The following FBLN2 variants were observed in gnomAD, a reference collection of about 807,000 sequenced individuals.
FBLN2 encodes the protein fibulin-2.
FBLN2 carries 81 observed loss-of-function variants against 123.7 expected under a neutral mutation model. The observed-to-expected ratio is 0.65, with a 90% confidence interval of 0.55 to 0.79. The LOEUF is 0.79. FBLN2 is among the 30% of genes least tolerant of loss of function. The pLI is 0.00. For missense variants in FBLN2, 1,603 were observed against 1,681.3 expected (o/e 0.95, Z 0.81); for synonymous variants, 699 against 701.4 (o/e 1.00, Z 0.05).
intron 16 of FBLN2, among the ~76,000 whole-genome samples, chr3:13,635,773 T>C (rs552318728): frequency 1.3e-5 from 2 of 152,138 alleles, no homozygotes; most frequent in South Asian, 4.2e-4. Context: ...GGGGACAGCA[T>C]GGGAATGAGA....
At chr3:13,620,306 C>G (rs973533204) in intron 8 of FBLN2, among the ~76,000 whole-genome samples, 4 of 152,190 alleles carry the variant, frequency 2.6e-5, no homozygotes, top group Non-Finnish European at 4.4e-5. Context: ...TGAGGGTTGC[C>G]CTGGTCTGTG....
Position 13,568,841 on chromosome 3 carries a change from G to A in FBLN2, c.-41-1474G>A, listed in dbSNP as rs28432040. ...ATTATCTGCCCCTCCACCCCTGAGG[G>A]TGTCAGTGCTGTGAGGACGCTGGGA... On this transcript the variant is annotated intron_variant, in intron 1 of 17. Transcript: ENST00000404922. The A allele has an allele frequency of 6.1e-6, 6 of 985,646 alleles. No individual in the cohort carries two copies. The African/African-American group carries it at 8.7e-5, about 14-fold the overall frequency. 61.1% of individuals were successfully genotyped at this position (985,646 alleles called of 1,614,324 possible). A position where few individuals can be genotyped will look rare whatever the true frequency, so the allele number is the denominator to read the frequency against.
chr3:13,620,326 C>T (rs1705806529), intron 8 of FBLN2, among the ~76,000 whole-genome samples: 1 of 152,158 alleles, frequency 6.6e-6, no homozygotes, highest in Non-Finnish European at 1.5e-5. Flanking sequence ...GCAGCCATGT[C>T]CAGGCCTGGG....
intron 2 of FBLN2, among the ~76,000 whole-genome samples, chr3:13,588,214 A>G (rs1156819643): frequency 2.0e-5 from 3 of 152,194 alleles, no homozygotes; most frequent in Non-Finnish European, 4.4e-5. Flanking sequence ...AGTTGCCTGT[A>G]GTACTCAGTA....
chr3:13,637,556 C>T lies in FBLN2; in HGVS notation c.3339-6C>T. 6.3e-7 allele frequency: 1 copy of T among 1,596,558 alleles called. No homozygotes were observed. On this transcript the variant is annotated splice_polypyrimidine_tract_variant and splice_region_variant and intron_variant, in intron 17 of 17. Coordinates refer to ENST00000404922, the MANE Select transcript of FBLN2 (RefSeq NM_001004019.2). ...CTGTGGGTGACCCGGCCTATCCTCC[C>T]TGCAGGAAGTGCGAGCGCACCACGT...
At chr3:13,601,230 C>T (rs766867325) in intron 2 of FBLN2, among the ~76,000 whole-genome samples, 1 of 152,190 alleles carries the variant, frequency 6.6e-6, no homozygotes, top group African/African-American at 2.4e-5. Flanking sequence ...AGCCAGGGAC[C>T]ATAATCTCTG....
At chr3:13,597,234 G>T (rs1275580596) in intron 2 of FBLN2, among the ~76,000 whole-genome samples, 1 of 152,156 alleles carries the variant, frequency 6.6e-6, no homozygotes, top group African/African-American at 2.4e-5. Context: ...ATCTGGCCTG[G>T]ATCTATTTTT....
At chr3:13,623,550 C>T (rs551075344) in intron 9 of FBLN2, among the ~76,000 whole-genome samples, 7 of 152,298 alleles carry the variant, frequency 4.6e-5, no homozygotes, top group South Asian at 2.1e-4. Flanking sequence ...GCGTTCTTTC[C>T]GTCATTTGTA....
At position 13,626,594 on chromosome 3, in the gene FBLN2, G is replaced by A. The variant is rs1706047991; in HGVS notation, c.2431+15G>A. ...CGAGTGCGAAGGTGAGAAGGGCCCA[G>A]AAGGACCAACTGGAGGCCCCGCCCC... On this transcript the variant is annotated intron_variant, in intron 10 of 17. Coordinates refer to ENST00000404922, the MANE Select transcript of FBLN2 (RefSeq NM_001004019.2). 6.5e-7 allele frequency: 1 copy of A among 1,531,740 alleles called. No homozygotes were observed. Among genetic ancestry groups the A allele is most frequent in the Non-Finnish European group, 8.8e-7 (1 of 1,133,546 alleles). 94.9% of individuals were successfully genotyped at this position (1,531,740 alleles called of 1,614,324 possible).
chr3:13,584,183 T>C (rs1704424780), intron 2 of FBLN2, among the ~76,000 whole-genome samples: 1 of 152,212 alleles, frequency 6.6e-6, no homozygotes, highest in African/African-American at 2.4e-5. Context: ...ATATGACAGC[T>C]CCCAATTTGT....
intron 1 of FBLN2, among the ~76,000 whole-genome samples, chr3:13,568,010 C>T (rs1457180911): frequency 1.3e-5 from 2 of 152,174 alleles, no homozygotes; most frequent in Non-Finnish European, 2.9e-5. Flanking sequence ...CTCTCCCTTG[C>T]AGTCTGGAGG....
intron 1 of FBLN2, among the ~76,000 whole-genome samples, chr3:13,565,186 C>T (rs984789363): frequency 6.6e-6 from 1 of 152,222 alleles, no homozygotes; most frequent in African/African-American, 2.4e-5. Flanking sequence ...AGTACGTAAC[C>T]CCAGGTGTGA....
chr3:13,597,007 A>G (rs906786344), intron 2 of FBLN2, among the ~76,000 whole-genome samples: 1 of 151,958 alleles, frequency 6.6e-6, no homozygotes, highest in African/African-American at 2.4e-5. Context: ...TCATAGCTCA[A>G]TGCAGCCTTG....
intron 1 of FBLN2, among the ~76,000 whole-genome samples, chr3:13,563,687 A>G (rs1047399417): frequency 6.6e-6 from 1 of 152,178 alleles, no homozygotes; most frequent in Non-Finnish European, 1.5e-5. Context: ...TGGGTCTTGC[A>G]TTACTGTGGG....
At chr3:13,580,432 G>A (rs1704288037) in intron 2 of FBLN2, among the ~76,000 whole-genome samples, 1 of 152,212 alleles carries the variant, frequency 6.6e-6, no homozygotes, top group Admixed American at 6.5e-5. Flanking sequence ...CGGGGAGACA[G>A]GGTGAGCAAA....
chr3:13,570,699 C>A lies in FBLN2; in HGVS notation c.344C>A (p.Pro115Gln). The change falls in exon 2 of 18, where the codon CCG (proline) becomes CAG (glutamine). Residue 115 changes from proline (P) to glutamine (Q), a missense_variant. By Grantham distance (76) the Pro-to-Gln change is moderately conservative (BLOSUM62 -1). Coordinates refer to ENST00000404922, the MANE Select transcript of FBLN2 (RefSeq NM_001004019.2). ...ATCAGCTGCCAGTTCATGCTGTGCC[C>A]GGAGCTGCCGCCCAACTGCATCGAG... ...GKISCQFMLCPELPPNCIEAV... is the reference protein window; with the variant it reads ...GKISCQFMLCQELPPNCIEAV... The A allele has an allele frequency of 6.3e-7, 1 of 1,590,456 alleles. No homozygotes were observed. The highest frequency in any genetic ancestry group is 2.3e-5 in the East Asian group (1 of 43,734).
intron 2 of FBLN2, among the ~76,000 whole-genome samples, chr3:13,583,662 C>T (rs1049805342): frequency 3.9e-5 from 6 of 152,368 alleles, no homozygotes; most frequent in Admixed American, 2.0e-4. Flanking sequence ...AGGTCTAGGC[C>T]GGTGGACCTG....
At chr3:13,573,240 A>G (rs1053427136) in intron 2 of FBLN2, among the ~76,000 whole-genome samples, 3 of 152,082 alleles carry the variant, frequency 2.0e-5, no homozygotes, top group African/African-American at 7.2e-5. Context: ...CTTCCTTTCA[A>G]TCAAGTTCAA....
intron 16 of FBLN2, among the ~76,000 whole-genome samples, chr3:13,635,673 C>T (rs560575887): frequency 9.2e-5 from 14 of 152,212 alleles, no homozygotes; most frequent in African/African-American, 2.9e-4. Context: ...CTTTGCGTCT[C>T]GGAGTCGGGA....
Sources: allele counts gnomAD v4.1 joint callset (sites outside exome capture counted in the v4.1 genomes callset), GRCh38; gene constraint gnomAD v4.1.1; transcripts MANE v1.5; gene names NCBI Gene and HGNC (gene_info 2026-07-23, HGNC 2026-07-21).